FHIT: variants seen among roughly 807,000 people sequenced by gnomAD.
FHIT encodes bis(5'-adenosyl)-triphosphatase.
In FHIT, 19 loss-of-function variants were observed where a neutral mutation model predicts 17.9. The ratio of observed to expected loss-of-function variants is 1.06; its 90% confidence interval spans 0.74 to 1.56. The LOEUF (loss-of-function observed/expected upper bound fraction) is 1.56, where lower values mean the gene tolerates loss of function less well. FHIT is among the 40% of genes most tolerant of loss of function. The pLI, the probability that FHIT is intolerant of heterozygous loss-of-function variation, is 0.00. For missense variants in FHIT, 248 were observed against 189.2 expected, an observed-to-expected ratio of 1.31 and a Z score of -1.82; for synonymous variants, 81 against 69.7, an observed-to-expected ratio of 1.16 and a Z score of -0.81.
intron 7 of FHIT, among the ~76,000 whole-genome samples, chr3:59,989,543 C>A (rs1022426031): frequency 2.6e-5 from 4 of 151,986 alleles, no homozygotes; most frequent in Non-Finnish European, 5.9e-5. Context: ...GAGGGCTGGG[C>A]ATGTTAGAGT....
chr3:59,954,625 A>G (rs1707302843), intron 7 of FHIT, among the ~76,000 whole-genome samples: 1 of 152,210 alleles, frequency 6.6e-6, no homozygotes, highest in South Asian at 2.1e-4. Context: ...CTAGAAAGGA[A>G]TGGCACATAG....
At chr3:61,161,571 A>C (rs1018939407) in intron 2 of FHIT, among the ~76,000 whole-genome samples, 3 of 152,164 alleles carry the variant, frequency 2.0e-5, no homozygotes, top group Non-Finnish European at 4.4e-5. Flanking sequence ...AAACATCAGC[A>C]CTGCTATCGC....
At chr3:61,059,501 C>T (rs2034351365) in intron 2 of FHIT, among the ~76,000 whole-genome samples, 1 of 150,968 alleles carries the variant, frequency 6.6e-6, no homozygotes, top group Non-Finnish European at 1.5e-5. Context: ...AGAGAGTCTG[C>T]CAAAGTTTAT....
chr3:61,125,568 A>C (rs745474029), intron 2 of FHIT, among the ~76,000 whole-genome samples: 3 of 152,220 alleles, frequency 2.0e-5, no homozygotes, highest in Middle Eastern at 3.2e-3. Context: ...TGCAAATCAA[A>C]TCACTCAATT....
At chr3:59,793,388 CA>C (rs1384801269) in intron 8 of FHIT, among the ~76,000 whole-genome samples, 1 of 101,174 alleles carries the variant, frequency 9.9e-6, no homozygotes, top group Non-Finnish European at 2.2e-5. Flanking sequence ...AGAGGAAGGA[CA>C]AAGTCAGAAT....
rs1403181512 is a variant in FHIT, at chr3:60,821,938, T to C, written c.-37A>G. Reference sequence around the variant, plus strand: ...ACCTACCTTTCAGAAGACTGCTACCTCTTCGGAGTCCTCAGTGGCAGGATG... The same window carrying C: ...ACCTACCTTTCAGAAGACTGCTACCCCTTCGGAGTCCTCAGTGGCAGGATG... On this transcript the variant is annotated 5_prime_UTR_variant, in exon 4 of 10. Coordinates refer to ENST00000492590, the MANE Select transcript of FHIT (RefSeq NM_002012.4). The C allele has an allele frequency of 1.3e-5, 2 of 152,166 alleles. No homozygotes were observed. Among genetic ancestry groups the C allele is most frequent in the South Asian group, 2.1e-4 (1 of 4,832 alleles). 9.4% of individuals were successfully genotyped at this position (152,166 alleles called of 1,614,324 possible). A position where few individuals can be genotyped will look rare whatever the true frequency, so the allele number is the denominator to read the frequency against.
In FHIT at chr3:60,955,609, T is replaced by TATATATATACATATATATATATAC. The variant is rs1559862247; in HGVS notation, c.-111+86437_-111+86438insGTATATATATATATGTATATATAT. On this transcript the variant is annotated intron_variant, in intron 3 of 9. Transcript: ENST00000492590. ...AGGCATATATATACATATATATATA[T>TATATATATACATATATATATATAC]ATATATATATATATATATATATATA... is the stretch of plus-strand genomic sequence containing the variant. Among the ~76,000 whole-genome samples the TATATATATACATATATATATATAC allele has an allele frequency of 2.3e-3, 21 of 9,148 alleles. 1 individual carries two copies. The highest frequency in any genetic ancestry group is 5.6e-3 in the Non-Finnish European group (12 of 2,124). 6.0% of individuals were successfully genotyped at this position (9,148 alleles called of 152,430 possible).
rs373770507 is a variant in FHIT, at chr3:60,790,160, G to A, written c.-18+31759C>T. ...ATTCTTGAAAACTGCTGTCTTGTTGGTTTATTAATATTTTGTATTCATTGT... is the reference window on the plus strand; with the variant it reads ...ATTCTTGAAAACTGCTGTCTTGTTGATTTATTAATATTTTGTATTCATTGT... On this transcript the variant is annotated intron_variant, in intron 4 of 9. Coordinates refer to ENST00000492590, the MANE Select transcript of FHIT (RefSeq NM_002012.4). 9.3e-4 allele frequency among the ~76,000 whole-genome samples: 142 copies of A among 152,282 alleles called. 2 individuals carry two copies. The South Asian group carries it at 0.026, about 28-fold the overall frequency.
At chr3:60,921,929 G>T (rs1553768485) in intron 3 of FHIT, among the ~76,000 whole-genome samples, 3 of 152,154 alleles carry the variant, frequency 2.0e-5, no homozygotes, top group African/African-American at 7.2e-5. Context: ...AGTCGGCCAG[G>T]CTCTGCCCAC....
chr3:61,084,090 T>C (rs2035232646), intron 2 of FHIT, among the ~76,000 whole-genome samples: 2 of 152,210 alleles, frequency 1.3e-5, no homozygotes, highest in Admixed American at 6.5e-5. Context: ...CCAACTGGAA[T>C]TTATTTCTGT....
At chr3:59,976,480 T>A (rs1708416772) in intron 7 of FHIT, among the ~76,000 whole-genome samples, 1 of 152,086 alleles carries the variant, frequency 6.6e-6, no homozygotes, top group Non-Finnish European at 1.5e-5. Flanking sequence ...TTAGAAACTT[T>A]GTCTTAAGAA....
At position 59,927,549 on chromosome 3, in the gene FHIT, C is replaced by T. The variant is rs564188707; in HGVS notation, c.280-5135G>A. Reference sequence around the variant, plus strand: ...TTGGGAGGCCGAGGCGGGCGGATCACGAGGTCAGGAGTTCGAGACCAGTCT... The same window carrying T: ...TTGGGAGGCCGAGGCGGGCGGATCATGAGGTCAGGAGTTCGAGACCAGTCT... On this transcript the variant is annotated intron_variant, in intron 7 of 9. Transcript: ENST00000492590. 3.0e-3 allele frequency among the ~76,000 whole-genome samples: 448 copies of T among 151,588 alleles called. 3 individuals are homozygous for T. Among genetic ancestry groups the T allele is most frequent in the Non-Finnish European group, 4.7e-3 (320 of 67,936 alleles).
At chr3:60,055,616 C>T (rs1382381401) in intron 5 of FHIT, among the ~76,000 whole-genome samples, 1 of 152,158 alleles carries the variant, frequency 6.6e-6, no homozygotes, top group Non-Finnish European at 1.5e-5. Context: ...TTTCTAGGCA[C>T]TGGCCACGTG....
intron 5 of FHIT, among the ~76,000 whole-genome samples, chr3:60,390,725 T>TA (rs1701196016): frequency 6.6e-6 from 1 of 151,344 alleles, no homozygotes; most frequent in South Asian, 2.1e-4. Context: ...CAAAAAACTT[T>TA]AAAAAGAAAA....
At chr3:60,137,083 C>T (rs1699846207) in intron 5 of FHIT, among the ~76,000 whole-genome samples, 1 of 152,208 alleles carries the variant, frequency 6.6e-6, no homozygotes, top group Non-Finnish European at 1.5e-5. Context: ...TTTCAAAATA[C>T]ACAGGTAGTA....
intron 5 of FHIT, among the ~76,000 whole-genome samples, chr3:60,515,628 G>T (rs1328671566): frequency 6.6e-6 from 1 of 151,142 alleles, no homozygotes; most frequent in East Asian, 1.9e-4. Flanking sequence ...AAGAAAACTT[G>T]TAGAACACAA....
chr3:60,119,821 G>A (rs367863180), intron 5 of FHIT, among the ~76,000 whole-genome samples: 1 of 152,038 alleles, frequency 6.6e-6, no homozygotes, highest in Non-Finnish European at 1.5e-5. Flanking sequence ...CCACAGAGCT[G>A]TCACATTTAT....
intron 3 of FHIT, among the ~76,000 whole-genome samples, chr3:60,850,323 T>TTCTCTCTCTCTCTCTC (rs3046704): frequency 1.7e-4 from 21 of 120,242 alleles, no homozygotes; most frequent in Middle Eastern, 4.3e-3. Flanking sequence ...GTGTCTGCAC[T>TTCTCTCTCTCTCTCTC]TCTCTCTCTC....
chr3:60,374,146 G>T (rs1576558106), intron 5 of FHIT, among the ~76,000 whole-genome samples: 1 of 152,038 alleles, frequency 6.6e-6, no homozygotes, highest in South Asian at 2.1e-4. Context: ...TAAAACAGAA[G>T]AATTAAGCCA....
Sources: allele counts gnomAD v4.1 joint callset (sites outside exome capture counted in the v4.1 genomes callset), GRCh38; gene constraint gnomAD v4.1.1; transcripts MANE v1.5; gene names NCBI Gene and HGNC (gene_info 2026-07-23, HGNC 2026-07-21).